The following NFAT5 variants were observed in gnomAD, a reference collection of about 807,000 sequenced individuals.
The protein encoded by NFAT5 is nuclear factor of activated T cells 5.
A neutral mutation model predicts 166.5 loss-of-function variants in NFAT5; 31 were observed. The ratio of observed to expected loss-of-function variants is 0.19; its 90% confidence interval spans 0.14 to 0.25. The LOEUF is 0.25. Ranked by LOEUF, NFAT5 falls within the 10% of genes least tolerant of loss-of-function variation. The pLI, the probability that NFAT5 is intolerant of heterozygous loss-of-function variation, is 1.00. For missense variants in NFAT5, 1,449 were observed against 1,821.8 expected (o/e 0.80, Z 3.72); for synonymous variants, 612 against 639.7 (o/e 0.96, Z 0.65).
In NFAT5 at chr16:69,684,947, G is replaced by C. The variant is rs760881309; in HGVS notation, c.1751G>C (p.Cys584Ser). The change falls in exon 11 of 15, where the codon TGC becomes TCC. Residue 584 changes from cysteine (C) to serine (S), a missense_variant. By Grantham distance (112) the Cys-to-Ser change is moderately radical (BLOSUM62 -1). Transcript: ENST00000349945. ...KKEISSPARP[C>S]SFEEAMKAMK... ...GAAATATCTAGTCCAGCAAGACCTT[G>C]CTCTTTTGAAGAGGCCATGAAAGGT... 6.2e-7 allele frequency: 1 copy of C among 1,610,644 alleles called. No homozygotes were observed. The highest frequency in any genetic ancestry group is 1.1e-5 in the South Asian group (1 of 90,406).
intron 3 of NFAT5, among the ~76,000 whole-genome samples, chr16:69,637,205 A>ATAT (rs2035005669): frequency 1.3e-5 from 2 of 152,168 alleles, no homozygotes; most frequent in East Asian, 3.8e-4. Flanking sequence ...TATCTCCATC[A>ATAT]GAGACCTGGA....
chr16:69,624,120 C>T (rs1266088522), intron 2 of NFAT5, among the ~76,000 whole-genome samples: 2 of 152,136 alleles, frequency 1.3e-5, no homozygotes, highest in Non-Finnish European at 2.9e-5. Flanking sequence ...TATATTCTGA[C>T]AGATGCTGAA....
intron 10 of NFAT5, 77 bp from the exon 11 acceptor site, chr16:69,684,810 T>C (rs2037220025): frequency 2.2e-6 from 2 of 897,112 alleles, no homozygotes; most frequent in Admixed American, 5.6e-5. Context: ...GACAAGATAT[T>C]CTAATTAAAG....
intron 3 of NFAT5, among the ~76,000 whole-genome samples, chr16:69,627,585 A>G (rs991223759): frequency 6.6e-6 from 1 of 152,080 alleles, no homozygotes; most frequent in African/African-American, 2.4e-5. Flanking sequence ...TCTCATATGC[A>G]TTAACCTATG....
At chr16:69,613,826 T>A (rs2151560479) in intron 2 of NFAT5, among the ~76,000 whole-genome samples, 1 of 152,356 alleles carries the variant, frequency 6.6e-6, no homozygotes, top group East Asian at 1.9e-4. Flanking sequence ...GTGACTTTCT[T>A]TTGTATTGTG....
At chr16:69,641,637 C>T (rs1443374357) in intron 3 of NFAT5, among the ~76,000 whole-genome samples, 2 of 151,910 alleles carry the variant, frequency 1.3e-5, no homozygotes, top group Admixed American at 6.6e-5. Flanking sequence ...GTTTTTAGTT[C>T]CATATAAAGT....
At position 69,566,491 on chromosome 16, in the gene NFAT5, A is replaced by C. The variant is rs929931291; in HGVS notation, c.73+117A>C. On this transcript the variant is annotated intron_variant, in intron 1 of 14. Coordinates refer to ENST00000349945, the MANE Select transcript of NFAT5 (RefSeq NM_138713.4). This position sits in a 1 kb window ranked among gnomAD's most constrained non-coding sequence, Gnocchi z 5.7. The stretch of plus-strand genomic sequence containing the variant: ...CGGGGGCGGCTGAGCCGCGACCCCC[A>C]TGGCTTCTTTGGCCGGAGCGGGCAG... The C allele has an allele frequency of 1.1e-6, 1 of 884,162 alleles. No homozygotes were observed. The highest frequency in any genetic ancestry group is 1.8e-6 in the Non-Finnish European group (1 of 553,254). The allele number at this position is 884,162 out of a possible 1,614,324, so 54.8% of individuals were successfully genotyped here. A position where few individuals can be genotyped will look rare whatever the true frequency, so the allele number is the denominator to read the frequency against.
chr16:69,653,309 G>C lies in NFAT5; in HGVS notation c.886G>C (p.Glu296Gln). The change falls in exon 5 of 15, where the codon GAG becomes CAG. Residue 296 changes from glutamate to glutamine, a missense_variant. Around this residue, in one of 7 missense-constraint regions of NFAT5, gnomAD observed 115 missense variants for 177.1 expected, o/e 0.65. Transcript: ENST00000349945. ...GTGTGGACAATATCCTGTTAAAAGT[G>C]AGGGAAAGGAGCTGAAGATAGTTGT... ...MLCGQYPVKS[E>Q]GKELKIVVQP... 2.5e-6 allele frequency: 4 copies of C among 1,612,664 alleles called. No homozygotes were observed. The highest frequency in any genetic ancestry group is 3.4e-6 in the Non-Finnish European group (4 of 1,179,586).
chr16:69,614,644 A>G (rs995183819), intron 2 of NFAT5, among the ~76,000 whole-genome samples: 5 of 152,196 alleles, frequency 3.3e-5, no homozygotes, highest in Admixed American at 6.5e-5. Flanking sequence ...ACAAATAAGA[A>G]TATTCCCTTA....
intron 10 of NFAT5, among the ~76,000 whole-genome samples, chr16:69,679,682 CA>C (rs1480369026): frequency 1.3e-5 from 2 of 151,976 alleles, no homozygotes; most frequent in Non-Finnish European, 2.9e-5. Flanking sequence ...AACATTGGAC[CA>C]AAAAGGCAAA....
intron 2 of NFAT5, among the ~76,000 whole-genome samples, chr16:69,581,187 T>A (rs2031663756): frequency 6.6e-6 from 1 of 151,676 alleles, no homozygotes; most frequent in East Asian, 2.0e-4. Context: ...ACTACAGGAG[T>A]GTGCCACCAC....
chr16:69,689,702 G>A (rs1285550661), intron 11 of NFAT5, among the ~76,000 whole-genome samples: 2 of 152,082 alleles, frequency 1.3e-5, no homozygotes, highest in Non-Finnish European at 2.9e-5. Context: ...GTGCCACCAT[G>A]CCCTGCTAAT....
At chr16:69,650,921 T>G (rs1034304171) in intron 4 of NFAT5, among the ~76,000 whole-genome samples, 1 of 152,192 alleles carries the variant, frequency 6.6e-6, no homozygotes, top group African/African-American at 2.4e-5. Context: ...TGCACACTAG[T>G]TAGACCAAAT....
chr16:69,667,171 G>T (rs2036421009), intron 7 of NFAT5, among the ~76,000 whole-genome samples: 1 of 122,720 alleles, frequency 8.1e-6, no homozygotes, highest in African/African-American at 3.1e-5. Flanking sequence ...GGGGACGGTT[G>T]TGGGGTGGGG....
intron 3 of NFAT5, among the ~76,000 whole-genome samples, chr16:69,638,008 C>T (rs116440607): frequency 0.044 from 6,704 of 151,194 alleles, 505 homozygotes; most frequent in African/African-American, 0.15. Context: ...ATCACAAGGT[C>T]AAGAGTTTGA....
In NFAT5 at chr16:69,702,840, C is replaced by T. The variant is rs575025702; in HGVS notation, c.*6489C>T. 4 of 152,728 alleles carry T rather than the reference C, an allele frequency of 2.6e-5. No individual in the cohort carries two copies. The highest frequency in any genetic ancestry group is 9.6e-5 in the African/African-American group (4 of 41,578). The allele number at this position is 152,728 out of a possible 1,614,324, so 9.5% of individuals were successfully genotyped here. On this transcript the variant is annotated 3_prime_UTR_variant, in exon 15 of 15. Coordinates refer to ENST00000349945, the MANE Select transcript of NFAT5 (RefSeq NM_138713.4). ...AATCTTTTATTGGCAAAAGTTAATT[C>T]TCAGTACTGCCTATAGAGATACAGT...
intron 4 of NFAT5, chr16:69,649,057 G>C (rs868846992): frequency 1.2e-6 from 1 of 860,138 alleles, no homozygotes; most frequent in Non-Finnish European, 1.4e-6. Flanking sequence ...AAGAAAATAA[G>C]ATATACTCTT....
At chr16:69,657,526 C>T (rs921414415) in intron 6 of NFAT5, among the ~76,000 whole-genome samples, 12 of 150,746 alleles carry the variant, frequency 8.0e-5, no homozygotes, top group African/African-American at 2.7e-4. Flanking sequence ...TTTGGGAGGC[C>T]GAGGCAGGTG....
chr16:69,643,975 G>T (rs1044780234), intron 3 of NFAT5, among the ~76,000 whole-genome samples: 1 of 152,082 alleles, frequency 6.6e-6, no homozygotes, highest in Non-Finnish European at 1.5e-5. Context: ...ATCATCAGAG[G>T]ATCAATAGTA....
Sources: allele counts gnomAD v4.1 joint callset (sites outside exome capture counted in the v4.1 genomes callset), GRCh38; gene constraint gnomAD v4.1.1; regional missense constraint gnomAD v4.1.1; non-coding constraint Gnocchi (gnomAD v3.1); transcripts MANE v1.5; gene names NCBI Gene and HGNC (gene_info 2026-07-23, HGNC 2026-07-21).